The following DNAJC15 variants were observed in gnomAD, a reference collection of about 807,000 sequenced individuals.
DNAJC15 encodes the protein DnaJ heat shock protein family (Hsp40) member C15, also known as dnaJ homolog subfamily C member 15.
In DNAJC15, 27 loss-of-function variants were observed where a neutral mutation model predicts 22.4. That is an observed-to-expected ratio of 1.20 (90% CI 0.89 to 1.66). The LOEUF (loss-of-function observed/expected upper bound fraction) is 1.66, where lower values mean the gene tolerates loss of function less well. Among genes scored for constraint, DNAJC15 ranks in the 40% most tolerant of loss-of-function variants. The probability of loss-of-function intolerance (pLI) is 0.00; values close to 1 mark genes in which losing one functional copy is unlikely to be tolerated. For missense variants in DNAJC15, 208 were observed against 187.1 expected, an observed-to-expected ratio of 1.11 and a Z score of -0.65; for synonymous variants, 79 against 63.2, an observed-to-expected ratio of 1.25 and a Z score of -1.19.
chr13:43,101,701 G>A (rs1251881937), intron 5 of DNAJC15, among the ~76,000 whole-genome samples: 4 of 152,174 alleles, frequency 2.6e-5, no homozygotes, highest in East Asian at 3.9e-4. Flanking sequence ...TTTCCATTCC[G>A]GAGTTACTTT....
chr13:43,047,195 T>A (rs924396523), intron 1 of DNAJC15, among the ~76,000 whole-genome samples: 1 of 152,210 alleles, frequency 6.6e-6, no homozygotes, highest in Non-Finnish European at 1.5e-5. Context: ...ATACAAACTT[T>A]TAGAAAATGA....
At chr13:43,058,592 T>C (rs2040542483) in intron 1 of DNAJC15, among the ~76,000 whole-genome samples, 1 of 152,082 alleles carries the variant, frequency 6.6e-6, no homozygotes, top group Non-Finnish European at 1.5e-5. Flanking sequence ...TGCTGCATCT[T>C]CTGTGTTCAT....
intron 1 of DNAJC15, among the ~76,000 whole-genome samples, chr13:43,029,153 A>G (rs2040393579): frequency 6.6e-6 from 1 of 152,182 alleles, no homozygotes; most frequent in Admixed American, 6.5e-5. Flanking sequence ...TCTAAGGGAG[A>G]GCAAGAGTCT....
chr13:43,093,206 T>G (rs1402657420), intron 5 of DNAJC15, among the ~76,000 whole-genome samples: 1 of 152,174 alleles, frequency 6.6e-6, no homozygotes, highest in Non-Finnish European at 1.5e-5. Context: ...CTCTGTTTTC[T>G]TAAATATATT....
intron 5 of DNAJC15, among the ~76,000 whole-genome samples, chr13:43,089,434 G>A (rs1421961105): frequency 6.6e-6 from 1 of 152,128 alleles, no homozygotes; most frequent in African/African-American, 2.4e-5. Flanking sequence ...CAGGAGAGAG[G>A]CAACTTTACA....
intron 1 of DNAJC15, among the ~76,000 whole-genome samples, chr13:43,037,166 C>G (rs1005384623): frequency 6.6e-6 from 1 of 152,228 alleles, no homozygotes; most frequent in African/African-American, 2.4e-5. Context: ...GCCGTAGCAG[C>G]CACTGCCTTA....
intron 4 of DNAJC15, among the ~76,000 whole-genome samples, chr13:43,082,210 G>C (rs1379123093): frequency 1.3e-5 from 2 of 151,702 alleles, no homozygotes; most frequent in African/African-American, 4.8e-5. Context: ...AACCAAAACT[G>C]CTCCATTTGC....
intron 4 of DNAJC15, among the ~76,000 whole-genome samples, chr13:43,082,293 C>T (rs2040665623): frequency 6.6e-6 from 1 of 152,090 alleles, no homozygotes; most frequent in Non-Finnish European, 1.5e-5. Flanking sequence ...TGTTTGAAAT[C>T]TCTGGTCTAG....
chr13:43,039,126 G>A (rs1300083005), intron 1 of DNAJC15, among the ~76,000 whole-genome samples: 1 of 152,122 alleles, frequency 6.6e-6, no homozygotes, highest in Non-Finnish European at 1.5e-5. Context: ...CATAAGCTCT[G>A]GTCTGGAATT....
At chr13:43,045,867 A>G (rs1253327037) in intron 1 of DNAJC15, among the ~76,000 whole-genome samples, 1 of 152,212 alleles carries the variant, frequency 6.6e-6, no homozygotes, top group Non-Finnish European at 1.5e-5. Context: ...AAATAATTAT[A>G]TATTTTTCCT....
At chr13:43,103,530 TTGA>T (rs1355253347) in intron 5 of DNAJC15, among the ~76,000 whole-genome samples, 1 of 152,244 alleles carries the variant, frequency 6.6e-6, no homozygotes, top group African/African-American at 2.4e-5. Context: ...ATTTTAATCT[TTGA>T]AGTTTGTCGA....
intron 4 of DNAJC15, among the ~76,000 whole-genome samples, chr13:43,080,981 A>G (rs1389563865): frequency 6.6e-6 from 1 of 152,208 alleles, no homozygotes; most frequent in African/African-American, 2.4e-5. Flanking sequence ...AGACTATATA[A>G]CAGGTAGGTG....
Position 43,107,235 on chromosome 13 carries a change from C to G in DNAJC15, c.440C>G (p.Thr147Ser). Residue 147 changes from threonine to serine, a missense_variant, in exon 6 of 6, where the codon ACC becomes AGC. By Grantham distance (58) the Thr-to-Ser change is moderately conservative. Coordinates refer to ENST00000379221, the MANE Select transcript of DNAJC15 (RefSeq NM_013238.3). ...GAAGCAAAAGACTTGCTAGAAACAA[C>G]CACCAAACATTGATGCTTAAGGACC... Reference protein sequence around the residue: ...INEAKDLLETTTKH With the variant: ...INEAKDLLETSTKH The G allele has an allele frequency of 9.4e-6, 15 of 1,588,716 alleles. No homozygotes were observed. Among genetic ancestry groups the G allele is most frequent in the Non-Finnish European group, 1.2e-5 (14 of 1,169,286 alleles).
rs149473701 is a variant in DNAJC15 at position 43,063,364 on chromosome 13, G to T, written c.109-2322G>T. 4.0e-3 allele frequency among the ~76,000 whole-genome samples: 611 copies of T among 152,264 alleles called. 1 individual carries two copies. The highest frequency in any genetic ancestry group is 6.0e-3 in the Non-Finnish European group (410 of 68,032). Reference sequence around the variant, plus strand: ...TTTACTGATTGTTTGACATGTCCCAGGTCACTGTGCTAAATCTTTTACGTG... The same window carrying T: ...TTTACTGATTGTTTGACATGTCCCATGTCACTGTGCTAAATCTTTTACGTG... On this transcript the variant is annotated intron_variant, in intron 1 of 5. Transcript: ENST00000379221.
chr13:43,029,533 CTT>C (rs11355558), intron 1 of DNAJC15, among the ~76,000 whole-genome samples: 22 of 148,864 alleles, frequency 1.5e-4, no homozygotes, highest in Middle Eastern at 3.4e-3. Flanking sequence ...ATTTTGGTGC[CTT>C]TTTTTTTTTC....
rs547015213 is a variant in DNAJC15, at chr13:43,065,859, A to T, written c.160+122A>T. 216 of 760,232 alleles carry T rather than the reference A, an allele frequency of 2.8e-4. No individual in the cohort carries two copies. The African/African-American group carries it at 3.5e-3, about 12-fold the overall frequency. 47.1% of individuals were successfully genotyped at this position (760,232 alleles called of 1,614,324 possible). A position where few individuals can be genotyped will look rare whatever the true frequency, so the allele number is the denominator to read the frequency against. On this transcript the variant is annotated intron_variant, in intron 2 of 5. Coordinates refer to ENST00000379221, the MANE Select transcript of DNAJC15 (RefSeq NM_013238.3). The stretch of plus-strand genomic sequence containing the variant: ...TGGTTTTCAGACATAATACATTCTC[A>T]TTCTTTCCACCATTTGTAGTTACTG...
At chr13:43,084,578 T>C (rs1221489697) in intron 4 of DNAJC15, among the ~76,000 whole-genome samples, 8 of 152,220 alleles carry the variant, frequency 5.3e-5, no homozygotes, top group African/African-American at 1.9e-4. Flanking sequence ...AAGTCAACTA[T>C]TATTATCCCC....
Position 43,111,494 on chromosome 13 carries a change from A to C in DNAJC15, c.*4246A>C, listed in dbSNP as rs2040824511. ...TCCTGGGGAACCTTGAACACAGAAA[A>C]GAGCTTTTATTGATAAGGTAATTGA... On this transcript the variant is annotated 3_prime_UTR_variant, in exon 6 of 6. Coordinates refer to ENST00000379221, the MANE Select transcript of DNAJC15 (RefSeq NM_013238.3). 6.6e-6 allele frequency: 1 copy of C among 152,208 alleles called. No homozygotes were observed. The highest frequency in any genetic ancestry group is 2.4e-5 in the African/African-American group (1 of 41,458). The allele number at this position is 152,208 out of a possible 1,614,324, so 9.4% of individuals were successfully genotyped here.
chr13:43,107,040 C>T, intron 5 of DNAJC15, 138 bp from the exon 6 acceptor site: 1 of 643,554 alleles, frequency 1.6e-6, no homozygotes. Flanking sequence ...GTTTTGATTT[C>T]TAGTTAGCTT....
Sources: gnomAD v4.1 joint callset for allele counts (sites outside exome capture counted in the v4.1 genomes callset) on GRCh38, gnomAD v4.1.1 for gene constraint, MANE v1.5 for transcripts, NCBI Gene and HGNC (gene_info 2026-07-23, HGNC 2026-07-21) for gene names.